VAPA: variants seen among roughly 807,000 people sequenced by gnomAD.
VAPA encodes VAMP associated protein A.
A neutral mutation model predicts 25.6 loss-of-function variants in VAPA; 6 were observed. That is an observed-to-expected ratio of 0.23 (90% CI 0.13 to 0.46). VAPA has a LOEUF of 0.46. VAPA is among the 20% of genes least tolerant of loss of function. VAPA has a pLI of 0.99. For missense variants in VAPA, 244 were observed against 302.1 expected (o/e 0.81, Z 1.43); for synonymous variants, 112 against 106.2 (o/e 1.05, Z -0.34).
At chr18:9,931,703 A>T in intron 1 of VAPA, 107 bp from the exon 2 acceptor site, 1 of 959,282 alleles carries the variant, frequency 1.0e-6, no homozygotes, top group Non-Finnish European at 1.5e-6. Context: ...ATGCCTACAA[A>T]TGTCAGCACT....
Position 9,958,328 on chromosome 18 carries a change from A to G in VAPA, c.*4117A>G, listed in dbSNP as rs572059105. 1.3e-4 allele frequency: 20 copies of G among 152,290 alleles called. No homozygotes were observed. The South Asian group carries it at 3.1e-3, about 24-fold the overall frequency. 9.4% of individuals were successfully genotyped at this position (152,290 alleles called of 1,614,324 possible). On this transcript the variant is annotated 3_prime_UTR_variant, in exon 6 of 6. Coordinates refer to ENST00000400000, the MANE Select transcript of VAPA (RefSeq NM_194434.3). ...ATTTGATTGGCCTGGCCTCTTGACA[A>G]TTCCCTTCTAGTTATGCATATCCTC... is the stretch of plus-strand genomic sequence containing the variant.
chr18:9,922,674 ACAGTGGCTAATTTGGAC>A (rs2069167407), intron 1 of VAPA, among the ~76,000 whole-genome samples: 1 of 152,006 alleles, frequency 6.6e-6, no homozygotes, highest in Non-Finnish European at 1.5e-5. Context: ...GGGAGACAAA[ACAGTGGCTAATTTGGAC>A]CAGTGGCAAG....
chr18:9,939,567 G>A (rs2069346507), intron 4 of VAPA, among the ~76,000 whole-genome samples: 1 of 146,462 alleles, frequency 6.8e-6, no homozygotes, highest in South Asian at 2.2e-4. Context: ...TATTAAACTA[G>A]GTTTGCCTAT....
chr18:9,949,256 T>C (rs1483688694), intron 4 of VAPA: 1 of 152,180 alleles, frequency 6.6e-6, no homozygotes, highest in Non-Finnish European at 1.5e-5. Flanking sequence ...AAAACGTTGC[T>C]TAACTGGGAA....
intron 1 of VAPA, 38 bp downstream of exon 1, chr18:9,914,373 G>C: frequency 6.5e-7 from 1 of 1,533,360 alleles, no homozygotes; most frequent in Admixed American, 2.0e-5. Flanking sequence ...GGGGTGGGGC[G>C]CGCGGACCGC....
chr18:9,925,264 A>G (rs923521604), intron 1 of VAPA, among the ~76,000 whole-genome samples: 2 of 151,694 alleles, frequency 1.3e-5, no homozygotes, highest in Non-Finnish European at 1.5e-5. Flanking sequence ...ATATGATTGT[A>G]TAATATGTTT....
At chr18:9,914,390 TCGG>T in intron 1 of VAPA, 55 bp downstream of exon 1, 1 of 1,482,696 alleles carries the variant, frequency 6.7e-7, no homozygotes, top group Non-Finnish European at 9.0e-7. Context: ...CCGCTGGCTG[TCGG>T]CGGGGGGGCG....
At position 9,936,229 on chromosome 18, in the gene VAPA, G is replaced by T. The variant is rs2069308651; in HGVS notation, c.336+16G>T. 6.5e-7 allele frequency: 1 copy of T among 1,545,198 alleles called. No homozygotes were observed. Among genetic ancestry groups the T allele is most frequent in the Non-Finnish European group, 8.8e-7 (1 of 1,139,462 alleles). ...GGAAGCTGTGGTAAGTATAGAAGAA[G>T]AATTTGTTTTGGGAAGTGGAGTTTA... On this transcript the variant is annotated intron_variant, in intron 3 of 5. Coordinates refer to ENST00000400000, the MANE Select transcript of VAPA (RefSeq NM_194434.3).
rs966440960 is a variant in VAPA at position 9,959,021 on chromosome 18, C to T, written c.*4810C>T. On this transcript the variant is annotated 3_prime_UTR_variant, in exon 6 of 6. Transcript: ENST00000400000. Reference sequence around the variant, plus strand: ...TCAACATGCTTATTACTTAGTTTTACGTCAGCTCATTTCATCATCATTGAT... The same window carrying T: ...TCAACATGCTTATTACTTAGTTTTATGTCAGCTCATTTCATCATCATTGAT... 1 of 151,358 alleles carries T rather than the reference C, an allele frequency of 6.6e-6. No homozygotes were observed. Among genetic ancestry groups the T allele is most frequent in the Non-Finnish European group, 1.5e-5 (1 of 67,644 alleles). 9.4% of individuals were successfully genotyped at this position (151,358 alleles called of 1,614,324 possible).
intron 2 of VAPA, among the ~76,000 whole-genome samples, chr18:9,934,845 A>G (rs1319365099): frequency 1.3e-5 from 2 of 152,224 alleles, no homozygotes; most frequent in African/African-American, 2.4e-5. Flanking sequence ...CTGTAATCCC[A>G]GCACTTTGGG....
At chr18:9,948,003 T>C (rs1185519334) in intron 4 of VAPA, 1 of 152,218 alleles carries the variant, frequency 6.6e-6, no homozygotes, top group Admixed American at 6.5e-5. Flanking sequence ...GCCTAGGTAG[T>C]ATGTGATATA....
At chr18:9,926,878 C>G (rs547829571) in intron 1 of VAPA, among the ~76,000 whole-genome samples, 1 of 152,222 alleles carries the variant, frequency 6.6e-6, no homozygotes, top group South Asian at 2.1e-4. Context: ...CTACTTCTTG[C>G]AAGATGTGCA....
At chr18:9,936,484 G>T in intron 3 of VAPA, 1 of 247,804 alleles carries the variant, frequency 4.0e-6, no homozygotes, top group East Asian at 8.0e-5. Flanking sequence ...GCCAAGATGG[G>T]AGTATCTCAA....
chr18:9,929,634 G>A (rs951704406), intron 1 of VAPA, among the ~76,000 whole-genome samples: 6 of 152,104 alleles, frequency 3.9e-5, no homozygotes, highest in Non-Finnish European at 7.4e-5. Context: ...ATTTCTTTCC[G>A]TGACTTTTTT....
At chr18:9,944,932 T>A (rs1356731614) in intron 4 of VAPA, 1 of 1,613,998 alleles carries the variant, frequency 6.2e-7, no homozygotes, top group African/African-American at 1.3e-5. Flanking sequence ...AGGGTATAAC[T>A]CCACCAGGGA....
chr18:9,919,833 T>G (rs2069141873), intron 1 of VAPA, among the ~76,000 whole-genome samples: 1 of 152,138 alleles, frequency 6.6e-6, no homozygotes, highest in African/African-American at 2.4e-5. Flanking sequence ...CATTTGCATT[T>G]AAAAATAATT....
intron 4 of VAPA, among the ~76,000 whole-genome samples, chr18:9,942,353 A>G (rs1333108419): frequency 2.0e-5 from 3 of 152,134 alleles, no homozygotes; most frequent in African/African-American, 7.2e-5. Context: ...TTCAAAGCAG[A>G]TTCTGCAATA....
intron 4 of VAPA, 58 bp downstream of exon 4, chr18:9,937,124 A>G: frequency 1.4e-6 from 2 of 1,444,246 alleles, no homozygotes; most frequent in Non-Finnish European, 1.9e-6. Flanking sequence ...TCCTTTGATT[A>G]ATTTTGCTTT....
chr18:9,921,008 C>T (rs183088029), intron 1 of VAPA, among the ~76,000 whole-genome samples: 30 of 152,342 alleles, frequency 2.0e-4, no homozygotes, highest in Middle Eastern at 3.4e-3. Flanking sequence ...AGTACTTTCA[C>T]ATTAGATAGT....
Sources: allele counts gnomAD v4.1 joint callset (sites outside exome capture counted in the v4.1 genomes callset), GRCh38; gene constraint gnomAD v4.1.1; transcripts MANE v1.5; gene names NCBI Gene and HGNC (gene_info 2026-07-23, HGNC 2026-07-21).